MALRD1: variants seen among roughly 807,000 people sequenced by gnomAD.
The protein encoded by MALRD1 is MAM and LDL receptor class A domain containing 1.
Under a neutral mutation model 242.1 loss-of-function variants are expected in MALRD1, and 247 were observed. The observed-to-expected ratio is 1.02, with a 90% confidence interval of 0.92 to 1.13. MALRD1 has a LOEUF of 1.13. Among genes scored for constraint, MALRD1 ranks in the 50% most tolerant of loss-of-function variants. MALRD1 has a pLI of 0.00. For missense variants in MALRD1, 2,989 were observed against 2,533.1 expected (o/e 1.18, Z -3.86); for synonymous variants, 995 against 866.6 (o/e 1.15, Z -2.60).
intron 18 of MALRD1, among the ~76,000 whole-genome samples, chr10:19,216,249 C>G (rs1057439052): frequency 6.6e-6 from 1 of 151,592 alleles, no homozygotes; most frequent in Non-Finnish European, 1.5e-5. Flanking sequence ...TCCTGAGTAG[C>G]TGGGACTATA....
chr10:19,646,372 G>C (rs903379805), intron 36 of MALRD1, among the ~76,000 whole-genome samples: 1 of 152,048 alleles, frequency 6.6e-6, no homozygotes, highest in Non-Finnish European at 1.5e-5. Context: ...GGGAGGCCGA[G>C]GGGGGCAGAT....
chr10:19,106,614 G>A (rs911537869), intron 5 of MALRD1, among the ~76,000 whole-genome samples: 1 of 151,296 alleles, frequency 6.6e-6, no homozygotes, highest in Non-Finnish European at 1.5e-5. Context: ...GTATTGCTTT[G>A]TTTAGTTTCT....
intron 38 of MALRD1, among the ~76,000 whole-genome samples, chr10:19,704,024 TG>T (rs1225068814): frequency 8.5e-5 from 13 of 152,214 alleles, no homozygotes; most frequent in Admixed American, 7.9e-4. Flanking sequence ...TATCTTTGAC[TG>T]GGGAAACATT....
intron 19 of MALRD1, among the ~76,000 whole-genome samples, chr10:19,278,098 A>T (rs2131870810): frequency 1.3e-5 from 2 of 152,242 alleles, no homozygotes; most frequent in East Asian, 1.9e-4. Flanking sequence ...CTTTATGGTA[A>T]CTGTCTGCTC....
chr10:19,062,576 A>G (rs1383421932), intron 1 of MALRD1, among the ~76,000 whole-genome samples: 1 of 152,194 alleles, frequency 6.6e-6, no homozygotes, highest in East Asian at 1.9e-4. Flanking sequence ...ATATGATATG[A>G]CATAGATCAA....
At chr10:19,406,336 A>G (rs1361425950) in intron 28 of MALRD1, among the ~76,000 whole-genome samples, 2 of 152,202 alleles carry the variant, frequency 1.3e-5, no homozygotes, top group Non-Finnish European at 2.9e-5. Context: ...TGTGCGATCT[A>G]TTACTTTTCT....
At chr10:19,666,144 T>G (rs1417748890) in intron 36 of MALRD1, among the ~76,000 whole-genome samples, 1 of 152,162 alleles carries the variant, frequency 6.6e-6, no homozygotes, top group Non-Finnish European at 1.5e-5. Context: ...CTCCTCATAG[T>G]TCCTGGCATC....
chr10:19,480,193 G>C (rs770379463), intron 29 of MALRD1, among the ~76,000 whole-genome samples: 18 of 152,176 alleles, frequency 1.2e-4, no homozygotes, highest in Non-Finnish European at 2.6e-4. Context: ...GATAAACTAG[G>C]AGGCAAAGAA....
In MALRD1 at chr10:19,650,281, C is replaced by T. The variant is rs142721581; in HGVS notation, c.6137+34358C>T. 6.2e-3 allele frequency among the ~76,000 whole-genome samples: 937 copies of T among 152,132 alleles called. 13 individuals are homozygous for T. Among genetic ancestry groups the T allele is most frequent in the African/African-American group, 0.022 (894 of 41,510 alleles). ...TGTCCAATAAAAATATCACTGAAAG[C>T]GAACATGAAATACAACACAACTTCA... On this transcript the variant is annotated intron_variant, in intron 36 of 39. Coordinates refer to ENST00000454679, the MANE Select transcript of MALRD1 (RefSeq NM_001142308.3).
intron 29 of MALRD1, among the ~76,000 whole-genome samples, chr10:19,450,732 T>C (rs1835277059): frequency 6.6e-6 from 1 of 152,138 alleles, no homozygotes; most frequent in South Asian, 2.1e-4. Context: ...AACAGAAATT[T>C]TTTTCCCTGT....
Position 19,331,378 on chromosome 10 carries a change from A to G in MALRD1, c.3697A>G (p.Arg1233Gly). 1 of 1,550,314 alleles carries G rather than the reference A, an allele frequency of 6.5e-7. No homozygotes were observed. Among genetic ancestry groups the G allele is most frequent in the Non-Finnish European group, 8.7e-7 (1 of 1,146,790 alleles). The change falls in exon 24 of 40, where the codon AGA becomes GGA. Residue 1233 changes from arginine (R) to glycine (G), a missense_variant. Transcript: ENST00000454679. ...TGGCTTTTTTTTTTAGATTGTCTTC[A>G]GAGCCAAACGTGGTATCAGTTACAT... Reference protein sequence around the residue: ...GIRSHTQIVFRAKRGISYIGD... With the variant: ...GIRSHTQIVFGAKRGISYIGD...
At position 19,718,525 on chromosome 10, in the gene MALRD1, A is replaced by G. The variant is rs560034209; in HGVS notation, c.6315-12181A>G. ...TCATCACCTAGGCGATGTGGCGCTA[A>G]GCCTTTCCTGGGGATCTGCCCCCAT... On this transcript the variant is annotated intron_variant, in intron 38 of 39. Coordinates refer to ENST00000454679, the MANE Select transcript of MALRD1 (RefSeq NM_001142308.3). Among the ~76,000 whole-genome samples the G allele has an allele frequency of 1.6e-3, 245 of 152,314 alleles. 1 individual carries two copies. The highest frequency in any genetic ancestry group is 3.6e-3 in the Admixed American group (55 of 15,304).
intron 31 of MALRD1, among the ~76,000 whole-genome samples, chr10:19,511,246 G>C (rs962180443): frequency 2.0e-5 from 3 of 152,110 alleles, no homozygotes; most frequent in African/African-American, 7.2e-5. Context: ...GGAGTGAGTG[G>C]TGCCGTTAAA....
chr10:19,148,886 A>C (rs535984095), intron 11 of MALRD1, among the ~76,000 whole-genome samples: 25 of 150,444 alleles, frequency 1.7e-4, no homozygotes, highest in African/African-American at 6.1e-4. Flanking sequence ...AGTGGTTTTA[A>C]ATTGCAAGTG....
At chr10:19,509,483 G>A (rs981057390) in intron 31 of MALRD1, among the ~76,000 whole-genome samples, 10 of 152,120 alleles carry the variant, frequency 6.6e-5, no homozygotes, top group Non-Finnish European at 1.2e-4. Flanking sequence ...CAGGGTAATG[G>A]CCTCTTGGTT....
At chr10:19,139,289 G>C (rs10826990) in intron 10 of MALRD1, among the ~76,000 whole-genome samples, 52,986 of 152,012 alleles carry the variant, frequency 0.35, 9,660 homozygotes, top group Non-Finnish European at 0.4. Context: ...AAATAAAAGA[G>C]GCTTTCCTTT....
rs180952584 is a variant in MALRD1, at chr10:19,210,896, C to T, written c.2991+1216C>T. On this transcript the variant is annotated intron_variant, in intron 18 of 39. Coordinates refer to ENST00000454679, the MANE Select transcript of MALRD1 (RefSeq NM_001142308.3). The stretch of plus-strand genomic sequence containing the variant: ...TTTATAGTGTGGCATCGTTTGGCTC[C>T]GCCACAGTGTAAAGTATGTGTAAGC... 2.5e-4 allele frequency among the ~76,000 whole-genome samples: 38 copies of T among 152,118 alleles called. 1 individual carries two copies. In the South Asian group the frequency reaches 5.6e-3, roughly 22 times the overall value.
chr10:19,216,276 C>A (rs777282308), intron 18 of MALRD1, among the ~76,000 whole-genome samples: 1 of 151,888 alleles, frequency 6.6e-6, no homozygotes, highest in African/African-American at 2.4e-5. Flanking sequence ...TGCCACCACA[C>A]CCAGCTAATT....
At chr10:19,206,272 T>A (rs1043719759) in intron 17 of MALRD1, among the ~76,000 whole-genome samples, 2 of 152,096 alleles carry the variant, frequency 1.3e-5, no homozygotes, top group African/African-American at 4.8e-5. Context: ...TAATCTTTGG[T>A]ACACATATTA....
Sources: gnomAD v4.1 joint callset for allele counts (sites outside exome capture counted in the v4.1 genomes callset) on GRCh38, gnomAD v4.1.1 for gene constraint, MANE v1.5 for transcripts, NCBI Gene and HGNC (gene_info 2026-07-23, HGNC 2026-07-21) for gene names.